Variants in CALN1 observed in about 807,000 individuals in gnomAD.
CALN1 encodes calcium-binding protein 8.
CALN1 carries 17 observed loss-of-function variants against 30.6 expected under a neutral mutation model. The observed-to-expected ratio is 0.56, with a 90% confidence interval of 0.38 to 0.83. CALN1 has a LOEUF of 0.83. CALN1 is among the 40% of genes least tolerant of loss of function. CALN1 has a pLI of 0.00. For synonymous variants in CALN1, 156 were observed against 131.4 expected, an observed-to-expected ratio of 1.19 and a Z score of -1.28; for missense variants, 291 against 354.9, an observed-to-expected ratio of 0.82 and a Z score of 1.45.
At chr7:72,205,563 T>TAC (rs1390707353) in intron 3 of CALN1, among the ~76,000 whole-genome samples, 97 of 109,592 alleles carry the variant, frequency 8.9e-4, no homozygotes, top group African/African-American at 4.6e-3. Flanking sequence ...TATATATATA[T>TAC]ATATGTATAT....
intron 3 of CALN1, among the ~76,000 whole-genome samples, chr7:72,142,891 C>T (rs1810059556): frequency 6.6e-6 from 1 of 152,180 alleles, no homozygotes; most frequent in South Asian, 2.1e-4. Flanking sequence ...CCAGCAAACT[C>T]CAACTGACCT....
chr7:72,217,212 C>T lies in CALN1; in HGVS notation c.244+61474G>A, dbSNP rs755765479. Among the ~76,000 whole-genome samples, 8 of 152,066 alleles carry T rather than the reference C, an allele frequency of 5.3e-5. No individual in the cohort carries two copies. The South Asian group carries it at 6.2e-4, about 12-fold the overall frequency. On this transcript the variant is annotated intron_variant, in intron 3 of 6. Coordinates refer to ENST00000395275, the MANE Select transcript of CALN1 (RefSeq NM_031468.4). ...AAGGGCTCTAGTCTCTGCTGTAGGA[C>T]GTGGCTAAATGGACAAGAGGGTTCC...
rs111309731 is a variant in CALN1 at position 72,446,599 on chromosome 7, T to C, written c.-226+443A>G. Reference sequence around the variant, plus strand: ...AAGTTGTATGGAATGAGTTTTCCAATAACGTAGGAGTGCAGCCACACAGCC... The same window carrying C: ...AAGTTGTATGGAATGAGTTTTCCAACAACGTAGGAGTGCAGCCACACAGCC... On this transcript the variant is annotated intron_variant, in intron 1 of 6. Transcript: ENST00000395276. Among the ~76,000 whole-genome samples the C allele has an allele frequency of 4.0e-3, 609 of 152,214 alleles. 5 individuals carry two copies. Among genetic ancestry groups the C allele is most frequent in the African/African-American group, 0.014 (582 of 41,526 alleles).
At chr7:71,810,896 C>CTTTT (rs71092916) in intron 5 of CALN1, among the ~76,000 whole-genome samples, 2 of 139,192 alleles carry the variant, frequency 1.4e-5, no homozygotes, top group Admixed American at 7.3e-5. Context: ...AAGCATGTAT[C>CTTTT]TTTTTTTTTT....
intron 2 of CALN1, among the ~76,000 whole-genome samples, chr7:72,326,498 T>A (rs950845308): frequency 6.6e-6 from 1 of 152,232 alleles, no homozygotes. Flanking sequence ...AAATGAATCA[T>A]CAGCCACAGA....
intron 5 of CALN1, among the ~76,000 whole-genome samples, chr7:71,979,335 T>C (rs189402454): frequency 2.4e-4 from 36 of 152,324 alleles, no homozygotes; most frequent in African/African-American, 7.7e-4. Context: ...CTCATCATAA[T>C]GTAAAATCAG....
chr7:71,871,483 A>G (rs546010736), intron 5 of CALN1, among the ~76,000 whole-genome samples: 116 of 152,102 alleles, frequency 7.6e-4, no homozygotes, highest in Non-Finnish European at 1.2e-3. Flanking sequence ...ACCACAGCTC[A>G]CTCCTGTAAT....
intron 4 of CALN1, among the ~76,000 whole-genome samples, chr7:72,063,784 A>AT (rs1022009882): frequency 1.3e-5 from 2 of 152,174 alleles, no homozygotes; most frequent in Admixed American, 1.3e-4. Flanking sequence ...GGCATTTCAG[A>AT]TTTTGGATTT....
intron 5 of CALN1, among the ~76,000 whole-genome samples, chr7:72,010,839 GA>G (rs1800033937): frequency 1.3e-5 from 2 of 148,728 alleles, no homozygotes; most frequent in Admixed American, 6.8e-5. Context: ...AAAAGAAAAA[GA>G]AAAAGAAAAG....
In CALN1 at chr7:71,782,897, C is replaced by T. The variant is rs1792794231; in HGVS notation, c.*4878G>A. 6.6e-6 allele frequency: 1 copy of T among 151,996 alleles called. No individual in the cohort carries two copies. Among genetic ancestry groups the T allele is most frequent in the Non-Finnish European group, 1.5e-5 (1 of 68,036 alleles). 9.4% of individuals were successfully genotyped at this position (151,996 alleles called of 1,614,324 possible). On this transcript the variant is annotated 3_prime_UTR_variant, in exon 7 of 7. Transcript: ENST00000395275. Reference sequence around the variant, plus strand: ...AGCTAGGATTACAGGTGCCCGACACCATGCTTGGCTAATTTTTGTATTTTT... The same window carrying T: ...AGCTAGGATTACAGGTGCCCGACACTATGCTTGGCTAATTTTTGTATTTTT...
intron 5 of CALN1, among the ~76,000 whole-genome samples, chr7:71,940,858 C>T (rs959921848): frequency 5.3e-5 from 8 of 152,134 alleles, no homozygotes; most frequent in South Asian, 2.1e-4. Flanking sequence ...GCAATCCACC[C>T]GCTTCAGCCT....
At chr7:72,246,136 T>C (rs1040416449) in intron 3 of CALN1, among the ~76,000 whole-genome samples, 2 of 152,210 alleles carry the variant, frequency 1.3e-5, no homozygotes, top group Non-Finnish European at 2.9e-5. Flanking sequence ...CAGTTCCACT[T>C]CCTGTCTGGG....
chr7:71,810,508 G>C lies in CALN1; in HGVS notation c.502-16C>G. 1 of 1,611,344 alleles carries C rather than the reference G, an allele frequency of 6.2e-7. No individual in the cohort carries two copies. The highest frequency in any genetic ancestry group is 8.5e-7 in the Non-Finnish European group (1 of 1,178,180). On this transcript the variant is annotated splice_polypyrimidine_tract_variant and intron_variant, in intron 5 of 6. Coordinates refer to ENST00000395275, the MANE Select transcript of CALN1 (RefSeq NM_031468.4). ...GCATGTCAAACTGTGGAGATAAAGAGTAGTGAGATGGTCAGAAGCATGTGG... is the reference window on the plus strand; with the variant it reads ...GCATGTCAAACTGTGGAGATAAAGACTAGTGAGATGGTCAGAAGCATGTGG...
At chr7:72,309,423 A>G (rs1362577856) in intron 2 of CALN1, among the ~76,000 whole-genome samples, 1 of 152,118 alleles carries the variant, frequency 6.6e-6, no homozygotes, top group Non-Finnish European at 1.5e-5. Flanking sequence ...CTCTCTTCTG[A>G]TGGAGCACAT....
At chr7:72,474,048 C>T in the CALN1 span, among the ~76,000 whole-genome samples, 1 of 151,662 alleles carries the variant, frequency 6.6e-6, no homozygotes, top group Admixed American at 6.6e-5. Flanking sequence ...AGGTTGGATA[C>T]GAAACTAGTT....
Position 72,403,347 on chromosome 7 carries a change from C to T in CALN1, c.23G>A (p.Gly8Glu), listed in dbSNP as rs1480895951. Residue 8 changes from glycine to glutamate, a missense_variant, in exon 2 of 7, where the codon GGA becomes GAA. Gly to Glu is a moderately conservative substitution (Grantham distance 98). Coordinates refer to ENST00000395275, the MANE Select transcript of CALN1 (RefSeq NM_031468.4). ...TTTCTCATTCTCGGGCTTCCCCTCT[C>T]CGGGTTGCTCTGGCAGCCGCATCGG... MRLPEQP[G>E]EGKPENEKKG... The T allele has an allele frequency of 1.9e-6, 3 of 1,548,458 alleles. No homozygotes were observed. The African/African-American group carries it at 4.1e-5, about 21-fold the overall frequency.
At chr7:71,852,989 G>A (rs1007152222) in intron 5 of CALN1, among the ~76,000 whole-genome samples, 3 of 152,066 alleles carry the variant, frequency 2.0e-5, no homozygotes, top group Non-Finnish European at 1.5e-5. Context: ...AGATAGATAC[G>A]TTGAAAATAT....
chr7:71,836,703 C>T (rs575976639), intron 5 of CALN1, among the ~76,000 whole-genome samples: 50 of 151,404 alleles, frequency 3.3e-4, no homozygotes, highest in Non-Finnish European at 5.9e-4. Context: ...CTGCAACCTC[C>T]GCCTTCCAGG....
At chr7:72,502,311 A>G in the CALN1 span, among the ~76,000 whole-genome samples, 2 of 150,264 alleles carry the variant, frequency 1.3e-5, no homozygotes, top group South Asian at 4.2e-4. Flanking sequence ...TTTTAACTGA[A>G]TTCTGAAGAT....
Sources: allele counts gnomAD v4.1 joint callset (sites outside exome capture counted in the v4.1 genomes callset), GRCh38; gene constraint gnomAD v4.1.1; transcripts MANE v1.5; gene names NCBI Gene and HGNC (gene_info 2026-07-23, HGNC 2026-07-21).